The following ITIH5 variants were observed in gnomAD, a reference collection of about 807,000 sequenced individuals.
The protein encoded by ITIH5 is inter-alpha-trypsin inhibitor heavy chain H5.
A neutral mutation model predicts 77.5 loss-of-function variants in ITIH5; 65 were observed. The ratio of observed to expected loss-of-function variants is 0.84; its 90% CI spans 0.69 to 1.03. The LOEUF (loss-of-function observed/expected upper bound fraction) is 1.03. Ranked by LOEUF, ITIH5 falls within the 50% of genes least tolerant of loss-of-function variation. The pLI is 0.00. For synonymous variants in ITIH5, 525 were observed against 494.3 expected (o/e 1.06, Z -0.82); for missense variants, 1,208 against 1,213.1 (o/e 1.00, Z 0.06).
chr10:7,640,982 T>C (rs1833876681), intron 3 of ITIH5, 127 bp from the exon 4 acceptor site: 1 of 745,822 alleles, frequency 1.3e-6, no homozygotes, highest in Middle Eastern at 2.3e-4. Flanking sequence ...AAAGAATGCA[T>C]TCCAGACTAG....
intron 12 of ITIH5, among the ~76,000 whole-genome samples, chr10:7,567,075 C>T (rs1832200849): frequency 1.3e-5 from 2 of 151,772 alleles, no homozygotes; most frequent in South Asian, 2.1e-4. Flanking sequence ...TGAGGGAATG[C>T]GTAAAGTTAT....
Position 7,617,115 on chromosome 10 carries a change from G to A in ITIH5, c.820C>T (p.Gln274Ter). The A allele has an allele frequency of 6.5e-7, 1 of 1,538,216 alleles. No individual in the cohort carries two copies. Residue 274 changes from glutamine (Q) to a stop codon, truncating the protein, a stop_gained and splice_region_variant, in exon 6 of 14, where the codon CAG becomes TAG. Coordinates refer to ENST00000397146, the MANE Select transcript of ITIH5 (RefSeq NM_030569.7). LOFTEE classifies it high-confidence loss of function. Reference sequence around the variant, plus strand: ...AATAGCAACGACGATCCTATTACCTGGATGTCCCCAATGCTCTGTTCTCTA... The same window carrying A: ...AATAGCAACGACGATCCTATTACCTAGATGTCCCCAATGCTCTGTTCTCTA... ...VNREQSIGDI[Q>*]VLNGYFVHYF...
chr10:7,631,478 G>A (rs1190753477), intron 5 of ITIH5, among the ~76,000 whole-genome samples: 1 of 150,390 alleles, frequency 6.6e-6, no homozygotes, highest in Admixed American at 6.6e-5. Context: ...GACACCAAAT[G>A]TCCTGAACAA....
At chr10:7,579,507 A>G (rs1040375276) in intron 9 of ITIH5, among the ~76,000 whole-genome samples, 2 of 151,944 alleles carry the variant, frequency 1.3e-5, no homozygotes, top group Non-Finnish European at 2.9e-5. Flanking sequence ...CCTGGGCAAC[A>G]AGAGCGAAAC....
chr10:7,573,673 CAAAA>C (rs35214432), intron 10 of ITIH5, among the ~76,000 whole-genome samples: 1 of 109,770 alleles, frequency 9.1e-6, no homozygotes, highest in Admixed American at 1.1e-4. Context: ...GAGACTGTCT[CAAAA>C]AAAAAAAAAA....
intron 2 of ITIH5, among the ~76,000 whole-genome samples, chr10:7,645,405 A>C (rs1026268514): frequency 2.8e-4 from 42 of 152,130 alleles, no homozygotes; most frequent in Admixed American, 1.3e-3. Context: ...CTTGCTAGAG[A>C]TTCTCAGACT....
intron 5 of ITIH5, chr10:7,617,486 T>C: frequency 2.5e-6 from 1 of 397,216 alleles, no homozygotes; most frequent in Non-Finnish European, 4.4e-6. Context: ...TTTGAACCTT[T>C]TCTTATGAAC....
rs909809154 is a variant in ITIH5, at chr10:7,576,304, G to A, written c.1978+149C>T. ...CTCCCAAAGTGCTGGGATTACAGGT[G>A]TGAGCTACTATACCCGGTCTGGGTT... On this transcript the variant is annotated intron_variant, in intron 10 of 13. Coordinates refer to ENST00000397146, the MANE Select transcript of ITIH5 (RefSeq NM_030569.7). The A allele has an allele frequency of 1.8e-4, 132 of 728,140 alleles. 1 individual carries two copies. The East Asian group carries it at 3.6e-3, about 20-fold the overall frequency. 45.1% of individuals were successfully genotyped at this position (728,140 alleles called of 1,614,324 possible).
intron 5 of ITIH5, among the ~76,000 whole-genome samples, chr10:7,626,456 A>T (rs1833579822): frequency 6.6e-6 from 1 of 152,230 alleles, no homozygotes; most frequent in Admixed American, 6.5e-5. Context: ...TTCTGTGTGA[A>T]CAATGCTGGA....
chr10:7,602,373 A>C (rs144174315), intron 7 of ITIH5, among the ~76,000 whole-genome samples: 197 of 152,294 alleles, frequency 1.3e-3, no homozygotes, highest in African/African-American at 4.6e-3. Flanking sequence ...TCCCCACCCG[A>C]ATCTCACCTT....
In ITIH5 at chr10:7,617,142, T is replaced by C; in HGVS notation, c.793A>G (p.Asn265Asp). The change falls in exon 6 of 14, where the codon AAT becomes GAT. Residue 265 changes from asparagine (N) to aspartate (D), a missense_variant. Asn to Asp is a conservative substitution (Grantham distance 23). Coordinates refer to ENST00000397146, the MANE Select transcript of ITIH5 (RefSeq NM_030569.7). Reference protein sequence around the residue: ...LGDFIIRYDVNREQSIGDIQV... With the variant: ...LGDFIIRYDVDREQSIGDIQV... ...ATGTCCCCAATGCTCTGTTCTCTATTGACGTCATATCTAATGATAAAGTCT... is the reference window on the plus strand; with the variant it reads ...ATGTCCCCAATGCTCTGTTCTCTATCGACGTCATATCTAATGATAAAGTCT... The C allele has an allele frequency of 6.3e-7, 1 of 1,597,922 alleles. No homozygotes were observed. The highest frequency in any genetic ancestry group is 8.5e-7 in the Non-Finnish European group (1 of 1,174,646).
chr10:7,632,496 G>T (rs1248385817), intron 5 of ITIH5, among the ~76,000 whole-genome samples: 1 of 152,110 alleles, frequency 6.6e-6, no homozygotes, highest in Non-Finnish European at 1.5e-5. Context: ...GAATAGAAGG[G>T]ATAAACTATG....
At chr10:7,640,101 T>A (rs181926784) in intron 4 of ITIH5, among the ~76,000 whole-genome samples, 3,070 of 146,498 alleles carry the variant, frequency 0.021, 48 homozygotes, top group Non-Finnish European at 0.032. Context: ...TCAAAAAAAA[T>A]TTTTTGAAGT....
chr10:7,562,863 G>A lies in ITIH5; in HGVS notation c.*220C>T. The A allele has an allele frequency of 6.8e-6, 4 of 587,276 alleles. No homozygotes were observed. Among genetic ancestry groups the A allele is most frequent in the South Asian group, 2.0e-5 (1 of 50,208 alleles). The allele number at this position is 587,276 out of a possible 1,614,324, so 36.4% of individuals were successfully genotyped here. ...TGGGCAGGGTGGGGAGAGGCAGGAA[G>A]AGGCAGTAGAGGGAAATGACATTTG... On this transcript the variant is annotated 3_prime_UTR_variant, in exon 14 of 14. Transcript: ENST00000397146.
In ITIH5 at chr10:7,666,453, GC is replaced by G. The variant is rs200840178; in HGVS notation, c.90+349del. 9.4e-3 allele frequency among the ~76,000 whole-genome samples: 1,427 copies of G among 152,144 alleles called. 20 individuals are homozygous for G. Among genetic ancestry groups the G allele is most frequent in the African/African-American group, 0.033 (1,351 of 41,500 alleles). On this transcript the variant is annotated intron_variant, in intron 1 of 13. Transcript: ENST00000397146. ...CTGGGAATGATGATAACAGCAGACTGCCCCCCACGCGTGATAAGGAAAAAAC... is the reference window on the plus strand; with the variant it reads ...CTGGGAATGATGATAACAGCAGACTGCCCCCACGCGTGATAAGGAAAAAAC...
intron 1 of ITIH5, among the ~76,000 whole-genome samples, chr10:7,661,036 A>G (rs1321975163): frequency 2.6e-5 from 4 of 152,224 alleles, no homozygotes; most frequent in Non-Finnish European, 5.9e-5. Flanking sequence ...TGCTCCAGGC[A>G]CTAGATTCTC....
At chr10:7,658,788 T>A (rs1331003946) in intron 1 of ITIH5, among the ~76,000 whole-genome samples, 1 of 152,156 alleles carries the variant, frequency 6.6e-6, no homozygotes, top group Admixed American at 6.5e-5. Flanking sequence ...ACCAAAATTT[T>A]ATCATGCAGA....
intron 5 of ITIH5, among the ~76,000 whole-genome samples, chr10:7,631,141 G>A (rs556153561): frequency 4.0e-5 from 6 of 151,692 alleles, no homozygotes; most frequent in Admixed American, 2.6e-4. Context: ...TTTATTGTCC[G>A]TTGCAATCAC....
intron 7 of ITIH5, among the ~76,000 whole-genome samples, chr10:7,605,435 C>T (rs955021424): frequency 6.6e-6 from 1 of 151,808 alleles, no homozygotes; most frequent in Non-Finnish European, 1.5e-5. Context: ...TTACACAGAG[C>T]ACTCCCTATA....
Sources: gnomAD v4.1 joint callset for allele counts (sites outside exome capture counted in the v4.1 genomes callset) on GRCh38, gnomAD v4.1.1 for gene constraint, MANE v1.5 for transcripts, NCBI Gene and HGNC (gene_info 2026-07-23, HGNC 2026-07-21) for gene names.